The following KIF15 variants were observed in gnomAD, a reference collection of about 807,000 sequenced individuals.
KIF15 encodes the protein kinesin-like protein KIF15.
In KIF15, 140 loss-of-function variants were observed where a neutral mutation model predicts 190.6. That is an observed-to-expected ratio of 0.73 (90% CI 0.64 to 0.84). The LOEUF (loss-of-function observed/expected upper bound fraction) is 0.84, where lower values mean the gene tolerates loss of function less well. KIF15 is among the 40% of genes least tolerant of loss of function. The probability of loss-of-function intolerance (pLI) is 0.00; values close to 1 mark genes in which losing one functional copy is unlikely to be tolerated. For missense variants in KIF15, 1,372 were observed against 1,584.4 expected (o/e 0.87, Z 2.28); for synonymous variants, 528 against 551.3 (o/e 0.96, Z 0.59).
intron 5 of KIF15, among the ~76,000 whole-genome samples, chr3:44,781,234 A>G (rs1212506582): frequency 1.3e-5 from 2 of 152,228 alleles, no homozygotes; most frequent in Non-Finnish European, 2.9e-5. Context: ...ATTCCTGGTC[A>G]GTAACTACCA....
chr3:44,802,123 CTT>C, intron 13 of KIF15, 149 bp downstream of exon 13: 1 of 595,348 alleles, frequency 1.7e-6, no homozygotes, highest in East Asian at 2.8e-5. Flanking sequence ...CTTTACCTGT[CTT>C]TTTAAAATAG....
At chr3:44,845,156 A>G (rs1475391757) in intron 30 of KIF15, among the ~76,000 whole-genome samples, 1 of 152,224 alleles carries the variant, frequency 6.6e-6, no homozygotes, top group African/African-American at 2.4e-5. Flanking sequence ...CGTAAAGTAC[A>G]TAGCCACTAC....
downstream of KIF15, among the ~76,000 whole-genome samples, chr3:44,855,175 G>A (rs374233869): frequency 8.5e-5 from 13 of 152,330 alleles, no homozygotes; most frequent in South Asian, 2.7e-3. Flanking sequence ...TTTGGGATAG[G>A]TGGTGGAGTT....
chr3:44,839,133 G>A (rs946770936), intron 27 of KIF15, among the ~76,000 whole-genome samples: 8 of 152,106 alleles, frequency 5.3e-5, no homozygotes, highest in African/African-American at 1.9e-4. Flanking sequence ...CACTTTGGGA[G>A]GCCAAGGTGG....
intron 10 of KIF15, among the ~76,000 whole-genome samples, chr3:44,799,762 T>TAA (rs767515029): frequency 5.4e-5 from 6 of 110,284 alleles, no homozygotes; most frequent in Non-Finnish European, 9.8e-5. Flanking sequence ...GGTAAAAAAT[T>TAA]AAAAAAAAAA....
In KIF15 at chr3:44,830,920, G is replaced by C; in HGVS notation, c.3073G>C (p.Asp1025His). Residue 1025 changes from aspartate to histidine, a missense_variant, in exon 26 of 35, where the codon GAC becomes CAC. By Grantham distance (81) the Asp-to-His change is moderately conservative. Transcript: ENST00000326047. ...GTGCAAATACAACTCTGCTTTGGTT[G>C]ACAGAGAAGAGAGCAGAGTGTTGAT... Reference protein sequence around the residue: ...INCKYNSALVDREESRVLIKK... With the variant: ...INCKYNSALVHREESRVLIKK... The C allele has an allele frequency of 6.2e-7, 1 of 1,613,960 alleles. No individual in the cohort carries two copies. Among genetic ancestry groups the C allele is most frequent in the South Asian group, 1.1e-5 (1 of 91,058 alleles).
rs10510743 is a variant in KIF15, at chr3:44,812,323, G to C, written c.2277+34G>C. ...AAGAGCACAGCCTCAGAAAATGTAT[G>C]AAGTACCCTCAAATGTTACCTTGAG... On this transcript the variant is annotated intron_variant, in intron 18 of 34. Transcript: ENST00000326047. 4.2e-3 allele frequency: 6,154 copies of C among 1,452,928 alleles called. 156 individuals are homozygous for C. The African/African-American group carries it at 0.066, about 16-fold the overall frequency. The allele number at this position is 1,452,928 out of a possible 1,614,324, so 90.0% of individuals were successfully genotyped here.
intron 16 of KIF15, among the ~76,000 whole-genome samples, chr3:44,809,549 A>T (rs1707692530): frequency 6.6e-6 from 1 of 151,758 alleles, no homozygotes; most frequent in African/African-American, 2.4e-5. Context: ...GATTTAACTT[A>T]AAAAAAGTAA....
chr3:44,864,375 C>G (rs761901692), intron 6 of KIF15: 1 of 1,613,064 alleles, frequency 6.2e-7, no homozygotes, highest in African/African-American at 1.3e-5. Flanking sequence ...TGCTCTTGTC[C>G]TAAATCTGGG....
intron 6 of KIF15, among the ~76,000 whole-genome samples, chr3:44,861,236 C>T (rs577461802): frequency 5.9e-5 from 9 of 152,338 alleles, no homozygotes; most frequent in African/African-American, 1.9e-4. Flanking sequence ...GGTGATCCAC[C>T]CGCCTCGGCC....
At chr3:44,842,397 A>T (rs1698654514) in intron 29 of KIF15, among the ~76,000 whole-genome samples, 1 of 152,192 alleles carries the variant, frequency 6.6e-6, no homozygotes, top group Non-Finnish European at 1.5e-5. Flanking sequence ...GATGCTCCAC[A>T]GAAGATAGCA....
intron 30 of KIF15, among the ~76,000 whole-genome samples, chr3:44,844,870 C>T (rs566774229): frequency 1.3e-5 from 2 of 152,124 alleles, no homozygotes; most frequent in African/African-American, 2.4e-5. Context: ...TAAATCAAGG[C>T]GACACAAGGC....
At position 44,830,011 on chromosome 3, in the gene KIF15, G is replaced by A. The variant is rs139148430; in HGVS notation, c.2984G>A (p.Arg995Lys). 7 of 1,599,286 alleles carry A rather than the reference G, an allele frequency of 4.4e-6. No homozygotes were observed. In the East Asian group the frequency reaches 1.6e-4, roughly 37 times the overall value. ...ADLMNQIQEL[R>K]TSVCEKTETI... ...CTCATGAACCAGATCCAGGAGCTAA[G>A]AACATCGGTCTGTGAGAAAACAGAA... is the stretch of plus-strand genomic sequence containing the variant. Residue 995 changes from arginine to lysine, a missense_variant, in exon 25 of 35, where the codon AGA becomes AAA. Physicochemically the swap from Arg to Lys is conservative, Grantham distance 26. Transcript: ENST00000326047.
chr3:44,821,786 A>C (rs1343271316), intron 20 of KIF15, among the ~76,000 whole-genome samples: 1 of 152,156 alleles, frequency 6.6e-6, no homozygotes, highest in Admixed American at 6.5e-5. Context: ...TGGGAGGTGG[A>C]GGTTGTAGCG....
At chr3:44,864,541 A>G (rs1699299940) in intron 6 of KIF15, among the ~76,000 whole-genome samples, 1 of 152,184 alleles carries the variant, frequency 6.6e-6, no homozygotes, top group African/African-American at 2.4e-5. Context: ...TAAGTTAGAT[A>G]TGAGTGAAGC....
chr3:44,819,658 C>G (rs1458793066), intron 20 of KIF15, among the ~76,000 whole-genome samples: 1 of 152,084 alleles, frequency 6.6e-6, no homozygotes, highest in African/African-American at 2.4e-5. Flanking sequence ...GAGTGCTTTA[C>G]TTTTAACTAT....
intron 31 of KIF15, 138 bp from the exon 32 acceptor site, chr3:44,848,383 C>G: frequency 1.7e-6 from 1 of 576,022 alleles, no homozygotes; most frequent in Non-Finnish European, 3.1e-6. Context: ...GTATGTGTAG[C>G]TGGCACTGTG....
At chr3:44,775,117 A>C in intron 2 of KIF15, 137 bp from the exon 3 acceptor site, 1 of 659,510 alleles carries the variant, frequency 1.5e-6, no homozygotes, top group Non-Finnish European at 2.5e-6. Flanking sequence ...AAAAAGAGGT[A>C]AATTTGTATG....
intron 11 of KIF15, 72 bp from the exon 12 acceptor site, chr3:44,801,378 A>C (rs879153695): frequency 2.3e-6 from 2 of 881,842 alleles, no homozygotes; most frequent in East Asian, 2.5e-5. Context: ...ATTAAAGGCT[A>C]TCTGTTCTCT....
Sources: gnomAD v4.1 joint callset for allele counts (sites outside exome capture counted in the v4.1 genomes callset) on GRCh38, gnomAD v4.1.1 for gene constraint, MANE v1.5 for transcripts, NCBI Gene and HGNC (gene_info 2026-07-23, HGNC 2026-07-21) for gene names.